The following UGT3A1 variants were observed in gnomAD, a reference collection of about 807,000 sequenced individuals.
The protein encoded by UGT3A1 is UDP-glycosyltransferase 3A1.
Under a neutral mutation model 37.6 loss-of-function variants are expected in UGT3A1, and 40 were observed. The ratio of observed to expected loss-of-function variants is 1.06; its 90% confidence interval spans 0.83 to 1.38. The LOEUF is 1.38. Ranked by LOEUF, UGT3A1 falls within the 40% of genes most tolerant of loss-of-function variation. UGT3A1 has a pLI of 0.00. For synonymous variants in UGT3A1, 256 were observed against 232.3 expected (o/e 1.10, Z -0.93); for missense variants, 642 against 634.2 (o/e 1.01, Z -0.13).
intron 2 of UGT3A1, among the ~76,000 whole-genome samples, chr5:35,974,105 C>A (rs1474716497): frequency 6.6e-6 from 1 of 152,158 alleles, no homozygotes; most frequent in African/African-American, 2.4e-5. Context: ...TGGGAAAAGA[C>A]CCCACTACAC....
intron 2 of UGT3A1, among the ~76,000 whole-genome samples, chr5:35,982,935 T>A (rs1448183175): frequency 2.0e-5 from 3 of 152,134 alleles, no homozygotes; most frequent in Non-Finnish European, 4.4e-5. Context: ...TTTGAAAATG[T>A]GTAGCACCTC....
intron 3 of UGT3A1, among the ~76,000 whole-genome samples, chr5:35,966,571 T>C (rs2149962676): frequency 6.6e-6 from 1 of 152,362 alleles, no homozygotes; most frequent in Non-Finnish European, 1.5e-5. Flanking sequence ...AAAGTTTTAC[T>C]GACACCTAGT....
At position 35,983,181 on chromosome 5, in the gene UGT3A1, C is replaced by CA. The variant is rs78247641; in HGVS notation, c.196+5268dup. ...GACTAAAAAATAAAAAGAGAAGATC[C>CA]AAAAAAAAAATCAGAAACAGAAAAA... On this transcript the variant is annotated intron_variant, in intron 2 of 6. Coordinates refer to ENST00000274278, the MANE Select transcript of UGT3A1 (RefSeq NM_152404.4). Among the ~76,000 whole-genome samples the CA allele has an allele frequency of 3.8e-3, 561 of 146,658 alleles. 4 individuals are homozygous for CA. Among genetic ancestry groups the CA allele is most frequent in the Admixed American group, 0.012 (178 of 14,798 alleles).
intron 4 of UGT3A1, among the ~76,000 whole-genome samples, chr5:35,963,832 A>G (rs1331836884): frequency 6.6e-6 from 1 of 152,132 alleles, no homozygotes; most frequent in Non-Finnish European, 1.5e-5. Context: ...GGGGTTAAGG[A>G]GAGGTGCTGT....
In UGT3A1 at chr5:35,991,304, T is replaced by A; in HGVS notation, c.-64A>T. 1 of 1,606,140 alleles carries A rather than the reference T, an allele frequency of 6.2e-7. No homozygotes were observed. The highest frequency in any genetic ancestry group is 8.5e-7 in the Non-Finnish European group (1 of 1,175,786). ...GCGCGCCCTGCGCCGGGCTAAGGAC[T>A]CTGTGCGCGCCTCAGTACTCCAAAG... is the stretch of plus-strand genomic sequence containing the variant. On this transcript the variant is annotated 5_prime_UTR_variant, in exon 1 of 7. Transcript: ENST00000274278.
At chr5:35,969,151 G>T (rs1193187209) in intron 2 of UGT3A1, among the ~76,000 whole-genome samples, 1 of 152,168 alleles carries the variant, frequency 6.6e-6, no homozygotes, top group Non-Finnish European at 1.5e-5. Context: ...TGCAATATAT[G>T]ATCCCTCCAA....
At chr5:35,975,655 G>C (rs1344856188) in intron 2 of UGT3A1, among the ~76,000 whole-genome samples, 2 of 147,684 alleles carry the variant, frequency 1.4e-5, no homozygotes, top group Non-Finnish European at 3.0e-5. Context: ...TAATGAAACA[G>C]TGAAGCATTT....
intron 2 of UGT3A1, among the ~76,000 whole-genome samples, chr5:35,970,816 C>T (rs1349023422): frequency 6.6e-6 from 1 of 152,170 alleles, no homozygotes; most frequent in African/African-American, 2.4e-5. Context: ...TCCATTCTTT[C>T]TCCCTTTAAA....
In UGT3A1 at chr5:35,972,202, C is replaced by T. The variant is rs149703440; in HGVS notation, c.197-4069G>A. 1.4e-3 allele frequency among the ~76,000 whole-genome samples: 206 copies of T among 152,228 alleles called. 1 individual carries two copies. Among genetic ancestry groups the T allele is most frequent in the African/African-American group, 4.5e-3 (187 of 41,536 alleles). On this transcript the variant is annotated intron_variant, in intron 2 of 6. Transcript: ENST00000274278. ...GAGAGTACACGGTTAATTAATCAAA[C>T]ACTAATCTAGGTGTTGATATGAAAA...
At chr5:35,976,588 C>T (rs1251848907) in intron 2 of UGT3A1, among the ~76,000 whole-genome samples, 1 of 152,034 alleles carries the variant, frequency 6.6e-6, no homozygotes, top group East Asian at 1.9e-4. Flanking sequence ...GTCTGTAATC[C>T]CAGCACTTTG....
rs1739240362 is a variant in UGT3A1, at chr5:35,953,513, G to A, written c.*689C>T. ...ACTACCTTAGCCACTGGTACCTGAA[G>A]CCACAAAGCCTTACACATGGATTTC... On this transcript the variant is annotated 3_prime_UTR_variant, in exon 7 of 7. Transcript: ENST00000274278. 1 of 152,408 alleles carries A rather than the reference G, an allele frequency of 6.6e-6. No homozygotes were observed. The highest frequency in any genetic ancestry group is 1.5e-5 in the Non-Finnish European group (1 of 68,078). The allele number at this position is 152,408 out of a possible 1,614,324, so 9.4% of individuals were successfully genotyped here. A position where few individuals can be genotyped will look rare whatever the true frequency, so the allele number is the denominator to read the frequency against.
intron 2 of UGT3A1, among the ~76,000 whole-genome samples, chr5:35,971,463 T>G (rs967733236): frequency 1.4e-4 from 20 of 147,892 alleles, no homozygotes; most frequent in Admixed American, 1.0e-3. Context: ...GACACACGCA[T>G]ACACACACAC....
At chr5:35,999,936 A>G (rs1741182400) in intron 1 of UGT3A1, among the ~76,000 whole-genome samples, 1 of 152,230 alleles carries the variant, frequency 6.6e-6, no homozygotes, top group Non-Finnish European at 1.5e-5. Context: ...GAAAAAAATT[A>G]TGCCATTGTG....
At chr5:35,955,201 T>A (rs1170080363) in intron 6 of UGT3A1, 1 of 219,606 alleles carries the variant, frequency 4.6e-6, no homozygotes, top group African/African-American at 2.3e-5. Flanking sequence ...ACCCTGTCTA[T>A]GGAAGAAACA....
intron 2 of UGT3A1, among the ~76,000 whole-genome samples, chr5:35,973,004 T>G (rs1420407946): frequency 6.6e-6 from 1 of 152,168 alleles, no homozygotes; most frequent in African/African-American, 2.4e-5. Context: ...AGGTATTTTC[T>G]GCTAAAGTCA....
Position 35,965,803 on chromosome 5 carries a change from T to C in UGT3A1, c.426A>G (p.Val142=), listed in dbSNP as rs1293420773. The change falls in exon 4 of 7, where the codon GTA becomes GTG. Residue 142 remains valine, a synonymous_variant. Transcript: ENST00000274278. The stretch of plus-strand genomic sequence containing the variant: ...AACAGAAATCAAATGCTTCAACAAA[T>C]ACCAGATCATAGTTCTCATTCTTTA... ...DSLKNENYDL[V]FVEAFDFCSF... 1.2e-6 allele frequency: 2 copies of C among 1,614,192 alleles called. No individual in the cohort carries two copies. The highest frequency in any genetic ancestry group is 1.7e-6 in the Non-Finnish European group (2 of 1,180,022).
At position 35,965,288 on chromosome 5, in the gene UGT3A1, T is replaced by C; in HGVS notation, c.843+98A>G. Reference sequence around the variant, plus strand: ...CCTAGGTGCCTCCTTTGCCAATCCCTACTTCAACCTCAGGATCCCACTGGC... The same window carrying C: ...CCTAGGTGCCTCCTTTGCCAATCCCCACTTCAACCTCAGGATCCCACTGGC... On this transcript the variant is annotated intron_variant, in intron 4 of 6. Coordinates refer to ENST00000274278, the MANE Select transcript of UGT3A1 (RefSeq NM_152404.4). The C allele has an allele frequency of 9.2e-6, 14 of 1,515,266 alleles. No individual in the cohort carries two copies. In the South Asian group the frequency reaches 1.9e-4, roughly 20 times the overall value. 93.9% of individuals were successfully genotyped at this position (1,515,266 alleles called of 1,614,324 possible).
chr5:36,000,506 A>C (rs10454862), intron 1 of UGT3A1, among the ~76,000 whole-genome samples: 49,550 of 152,052 alleles, frequency 0.33, 9,982 homozygotes, highest in Non-Finnish European at 0.45. Flanking sequence ...GCAAAATTAG[A>C]GGGTTTAGAC....
intron 2 of UGT3A1, among the ~76,000 whole-genome samples, chr5:35,984,357 T>C (rs958449278): frequency 2.6e-5 from 4 of 152,236 alleles, no homozygotes; most frequent in African/African-American, 9.6e-5. Flanking sequence ...AGTTATGTGA[T>C]ACTTAACTGT....
Sources: gnomAD v4.1 joint callset for allele counts (sites outside exome capture counted in the v4.1 genomes callset) on GRCh38, gnomAD v4.1.1 for gene constraint, MANE v1.5 for transcripts, NCBI Gene and HGNC (gene_info 2026-07-23, HGNC 2026-07-21) for gene names.